Variants in MBD2 observed in about 807,000 individuals in gnomAD.
MBD2 encodes methyl-CpG-binding domain protein 2.
In MBD2, 9 loss-of-function variants were observed where a neutral mutation model predicts 39.3. The ratio of observed to expected loss-of-function variants is 0.23; its 90% confidence interval spans 0.14 to 0.40. The LOEUF is 0.40. Among genes scored for constraint, MBD2 ranks in the 10% least tolerant of loss-of-function variants. The pLI, the probability that MBD2 is intolerant of heterozygous loss-of-function variation, is 1.00. For missense variants in MBD2, 458 were observed against 532.6 expected (o/e 0.86, Z 1.38); for synonymous variants, 233 against 211.1 (o/e 1.10, Z -0.90).
chr18:54,176,725 C>T (rs1304992300), intron 3 of MBD2, among the ~76,000 whole-genome samples: 1 of 152,172 alleles, frequency 6.6e-6, no homozygotes, highest in Non-Finnish European at 1.5e-5. Flanking sequence ...CCATGGCCTG[C>T]AAACATCAAA....
intron 6 of MBD2, among the ~76,000 whole-genome samples, chr18:54,158,008 A>G (rs771070154): frequency 9.9e-5 from 15 of 151,952 alleles, no homozygotes; most frequent in Non-Finnish European, 1.9e-4. Context: ...CTTGCTTCCA[A>G]GCTTTCCCTA....
intron 1 of MBD2, among the ~76,000 whole-genome samples, chr18:54,216,089 G>A (rs1159430770): frequency 6.6e-6 from 1 of 152,146 alleles, no homozygotes; most frequent in Non-Finnish European, 1.5e-5. Context: ...TTACAGGCGT[G>A]AGCCACCGCA....
chr18:54,189,660 T>G (rs891927100), intron 2 of MBD2, among the ~76,000 whole-genome samples: 3 of 152,088 alleles, frequency 2.0e-5, no homozygotes, highest in African/African-American at 2.4e-5. Context: ...GTTTTGCTTG[T>G]TTGTTTAGGG....
chr18:54,211,956 A>G (rs952029714), intron 1 of MBD2, among the ~76,000 whole-genome samples: 1 of 151,918 alleles, frequency 6.6e-6, no homozygotes, highest in African/African-American at 2.4e-5. Flanking sequence ...CCTGCCTTCA[A>G]GCGATTCTCC....
At chr18:54,189,712 T>C (rs2086307654) in intron 2 of MBD2, among the ~76,000 whole-genome samples, 1 of 151,658 alleles carries the variant, frequency 6.6e-6, no homozygotes, top group Non-Finnish European at 1.5e-5. Flanking sequence ...CTCAGTGGCA[T>C]GATCATGGCT....
chr18:54,197,736 GATC>G (rs995303749), intron 2 of MBD2, among the ~76,000 whole-genome samples: 5 of 152,118 alleles, frequency 3.3e-5, no homozygotes, highest in East Asian at 1.9e-4. Flanking sequence ...CACGCGTCTA[GATC>G]ATCATTATCA....
chr18:54,188,944 G>GT lies in MBD2; in HGVS notation c.769dup (p.Thr257AsnfsTer8). The GT allele has an allele frequency of 6.2e-7, 1 of 1,610,092 alleles. No individual in the cohort carries two copies. Among genetic ancestry groups the GT allele is most frequent in the Non-Finnish European group, 8.5e-7 (1 of 1,177,462 alleles). On this transcript the variant is annotated frameshift_variant, in exon 3 of 7. Coordinates refer to ENST00000256429, the MANE Select transcript of MBD2 (RefSeq NM_003927.5). LOFTEE classifies it high-confidence loss of function. ...ATTACTAGGATGATTTGTGACTTTG[G>GT]TTACCGGTTGTTTGAAAATTGATGC...
intron 3 of MBD2, among the ~76,000 whole-genome samples, chr18:54,187,334 T>C (rs964200480): frequency 6.6e-6 from 1 of 152,216 alleles, no homozygotes; most frequent in Admixed American, 6.5e-5. Context: ...TTTCAGAATT[T>C]TTGAAGCAAA....
chr18:54,154,201 T>G lies in MBD2; in HGVS notation c.*1123A>C, dbSNP rs1308373798. 1 of 152,216 alleles carries G rather than the reference T, an allele frequency of 6.6e-6. No homozygotes were observed. Among genetic ancestry groups the G allele is most frequent in the Non-Finnish European group, 1.5e-5 (1 of 68,028 alleles). 9.4% of individuals were successfully genotyped at this position (152,216 alleles called of 1,614,324 possible). On this transcript the variant is annotated 3_prime_UTR_variant, in exon 7 of 7. Transcript: ENST00000256429. Reference sequence around the variant, plus strand: ...CTTCCTTGGTATCAGATTAAGTATGTTTTGATTTTAGAAATCGTTTAATAA... The same window carrying G: ...CTTCCTTGGTATCAGATTAAGTATGGTTTGATTTTAGAAATCGTTTAATAA...
chr18:54,188,835 T>A (rs1471618246), intron 3 of MBD2, 39 bp downstream of exon 3: 36 of 1,554,366 alleles, frequency 2.3e-5, no homozygotes, highest in Non-Finnish European at 3.1e-5. Flanking sequence ...ACCAGCATTT[T>A]TCTGAAAAAT....
chr18:54,210,509 T>C (rs2086494420), intron 1 of MBD2, among the ~76,000 whole-genome samples: 1 of 152,202 alleles, frequency 6.6e-6, no homozygotes, highest in Admixed American at 6.5e-5. Context: ...ATCACCGCTC[T>C]AATATAGCAG....
At chr18:54,187,597 A>C (rs2086294007) in intron 3 of MBD2, 1 of 742,152 alleles carries the variant, frequency 1.3e-6, no homozygotes, top group African/African-American at 1.9e-5. Flanking sequence ...TGGTAGTAAA[A>C]CAGAAGGGAA....
rs1021446344 is a variant in MBD2, at chr18:54,187,245, A to C, written c.840+1629T>G. Among the ~76,000 whole-genome samples the C allele has an allele frequency of 2.0e-5, 3 of 152,352 alleles. No individual in the cohort carries two copies. In the East Asian group the frequency reaches 5.8e-4, roughly 29 times the overall value. On this transcript the variant is annotated intron_variant, in intron 3 of 6. Coordinates refer to ENST00000256429, the MANE Select transcript of MBD2 (RefSeq NM_003927.5). The stretch of plus-strand genomic sequence containing the variant: ...ATGAGGATAAAATCTATTAAATACT[A>C]TCTGATCTCATAAGGAAACTCAAAT...
intron 5 of MBD2, among the ~76,000 whole-genome samples, chr18:54,163,768 G>A (rs1041231206): frequency 1.3e-5 from 2 of 151,876 alleles, no homozygotes; most frequent in African/African-American, 2.4e-5. Flanking sequence ...TTGCTCTACC[G>A]TGTCACAAGT....
At chr18:54,176,726 A>G (rs570421177) in intron 3 of MBD2, among the ~76,000 whole-genome samples, 1 of 152,362 alleles carries the variant, frequency 6.6e-6, no homozygotes, top group East Asian at 1.9e-4. Context: ...CATGGCCTGC[A>G]AACATCAAAG....
intron 2 of MBD2, among the ~76,000 whole-genome samples, chr18:54,204,373 C>T (rs1166959862): frequency 6.6e-6 from 1 of 152,226 alleles, no homozygotes; most frequent in Admixed American, 6.5e-5. Flanking sequence ...TATCTCTCAT[C>T]TGAAATGCCT....
At chr18:54,203,192 T>A in intron 2 of MBD2, 1 of 1,538,282 alleles carries the variant, frequency 6.5e-7, no homozygotes, top group African/African-American at 1.4e-5. Flanking sequence ...ATCTGCACAT[T>A]ACACTTAACA....
chr18:54,181,705 T>C (rs2086253089), intron 3 of MBD2, among the ~76,000 whole-genome samples: 1 of 152,112 alleles, frequency 6.6e-6, no homozygotes, highest in Non-Finnish European at 1.5e-5. Flanking sequence ...TTTCGCATCT[T>C]GGCCAGGCTG....
intron 3 of MBD2, among the ~76,000 whole-genome samples, chr18:54,185,560 T>TATTA (rs1395593158): frequency 2.6e-5 from 4 of 152,158 alleles, no homozygotes; most frequent in Non-Finnish European, 4.4e-5. Flanking sequence ...ATGGTAGTTC[T>TATTA]TCACATTATG....
Sources: allele counts gnomAD v4.1 joint callset (sites outside exome capture counted in the v4.1 genomes callset), GRCh38; gene constraint gnomAD v4.1.1; transcripts MANE v1.5; gene names NCBI Gene and HGNC (gene_info 2026-07-23, HGNC 2026-07-21).